FBXW11: variants seen among roughly 807,000 people sequenced by gnomAD.
FBXW11 encodes the protein F-box and WD repeat domain containing 11, also known as F-box/WD repeat-containing protein 11.
Under a neutral mutation model 77.6 loss-of-function variants are expected in FBXW11, and 19 were observed. The ratio of observed to expected loss-of-function variants is 0.24; its 90% CI spans 0.17 to 0.36. The LOEUF is 0.36. Among genes scored for constraint, FBXW11 ranks in the 10% least tolerant of loss-of-function variants. FBXW11 has a pLI of 1.00. For missense variants in FBXW11, 334 were observed against 704.2 expected (o/e 0.47, Z 5.95); for synonymous variants, 235 against 249.4 (o/e 0.94, Z 0.54).
At chr5:171,963,676 G>A (rs542668571) in intron 1 of FBXW11, among the ~76,000 whole-genome samples, 1 of 152,324 alleles carries the variant, frequency 6.6e-6, no homozygotes, top group East Asian at 1.9e-4. Flanking sequence ...CACAGAGATG[G>A]AGGTGGAGGT....
chr5:171,878,592 A>AGAC (rs1561640297), intron 7 of FBXW11, among the ~76,000 whole-genome samples: 49 of 133,032 alleles, frequency 3.7e-4, no homozygotes, highest in East Asian at 6.4e-4. Context: ...GTGTGTGTGT[A>AGAC]AGAGAGAGAG....
At chr5:171,980,945 T>C (rs1281706624) in intron 1 of FBXW11, among the ~76,000 whole-genome samples, 4 of 152,110 alleles carry the variant, frequency 2.6e-5, no homozygotes, top group Non-Finnish European at 5.9e-5. Flanking sequence ...TACTAGAGTT[T>C]ATGCTAATAA....
intron 1 of FBXW11, among the ~76,000 whole-genome samples, chr5:171,977,364 A>C (rs1008015639): frequency 1.1e-4 from 16 of 152,190 alleles, no homozygotes; most frequent in African/African-American, 3.9e-4. Flanking sequence ...AAGAGAAAGA[A>C]ATCTCTGTTC....
At chr5:171,950,738 T>G (rs541147363) in intron 2 of FBXW11, among the ~76,000 whole-genome samples, 1 of 152,088 alleles carries the variant, frequency 6.6e-6, no homozygotes, top group East Asian at 1.9e-4. Flanking sequence ...ATACAAAAAA[T>G]TAGCCAGGCG....
intron 2 of FBXW11, among the ~76,000 whole-genome samples, chr5:171,923,517 T>C (rs953934502): frequency 1.3e-5 from 2 of 152,240 alleles, no homozygotes; most frequent in Non-Finnish European, 2.9e-5. Flanking sequence ...TTTTACCTTG[T>C]ACATTTTCAT....
At chr5:171,945,617 T>G (rs1432510136) in intron 2 of FBXW11, among the ~76,000 whole-genome samples, 2 of 152,210 alleles carry the variant, frequency 1.3e-5, no homozygotes, top group Admixed American at 1.3e-4. Flanking sequence ...TACTTATAGT[T>G]CTTCCACAAA....
intron 7 of FBXW11, among the ~76,000 whole-genome samples, chr5:171,881,059 G>A (rs191148973): frequency 6.6e-6 from 1 of 152,162 alleles, no homozygotes; most frequent in Admixed American, 6.5e-5. Context: ...GTAAGCAACT[G>A]ACTTAAGTAT....
intron 1 of FBXW11, among the ~76,000 whole-genome samples, chr5:171,998,068 T>C (rs1366378982): frequency 6.6e-6 from 1 of 152,132 alleles, no homozygotes; most frequent in African/African-American, 2.4e-5. Flanking sequence ...CATGCCCTTT[T>C]CATGGAGCAC....
chr5:171,949,148 CA>C (rs1438680980), intron 2 of FBXW11, among the ~76,000 whole-genome samples: 1 of 152,102 alleles, frequency 6.6e-6, no homozygotes, highest in East Asian at 1.9e-4. Context: ...ACTAGTACAA[CA>C]TATAAAAGAC....
intron 1 of FBXW11, among the ~76,000 whole-genome samples, chr5:171,963,129 T>A (rs773672989): frequency 1.1e-4 from 16 of 152,082 alleles, no homozygotes; most frequent in Non-Finnish European, 2.2e-4. Flanking sequence ...TAAGACATTC[T>A]CTTTATTCTC....
At chr5:171,957,471 G>C (rs1175239416) in intron 2 of FBXW11, 126 bp downstream of exon 2, 1 of 917,794 alleles carries the variant, frequency 1.1e-6, no homozygotes, top group Non-Finnish European at 1.7e-6. Flanking sequence ...CCAGGCTGGA[G>C]GAAAGCAGAG....
At chr5:171,921,669 G>T (rs1187448723) in intron 2 of FBXW11, among the ~76,000 whole-genome samples, 1 of 152,092 alleles carries the variant, frequency 6.6e-6, no homozygotes, top group Non-Finnish European at 1.5e-5. Flanking sequence ...CAAATTAAAA[G>T]GAAAGCAAGG....
chr5:171,942,550 AAC>A (rs1762804853), intron 2 of FBXW11, among the ~76,000 whole-genome samples: 1 of 152,254 alleles, frequency 6.6e-6, no homozygotes, highest in Non-Finnish European at 1.5e-5. Context: ...CTGTAATCCT[AAC>A]ACTTTGGGAG....
chr5:171,891,549 C>A lies in FBXW11; in HGVS notation c.770G>T (p.Arg257Leu), dbSNP rs1177616249. 7 of 1,610,728 alleles carry A rather than the reference C, an allele frequency of 4.3e-6. No homozygotes were observed. Among genetic ancestry groups the A allele is most frequent in the Non-Finnish European group, 5.9e-6 (7 of 1,178,976 alleles). Residue 257 changes from arginine (R) to leucine (L), a missense_variant, in exon 7 of 14, where the codon CGC becomes CTC. This residue lies in a region of FBXW11 where 70 missense variants were observed against 136.6 expected (regional missense o/e 0.51). Transcript: ENST00000517395. Reference protein sequence around the residue: ...GRHNLQRIQCRSENSKGVYCL... With the variant: ...GRHNLQRIQCLSENSKGVYCL... Reference sequence around the variant, plus strand: ...GTAGACACCTTTACTATTTTCAGAGCGGCACTGAATCCTCTGCAAGTTGTG... The same window carrying A: ...GTAGACACCTTTACTATTTTCAGAGAGGCACTGAATCCTCTGCAAGTTGTG...
intron 1 of FBXW11, among the ~76,000 whole-genome samples, chr5:171,961,978 T>C (rs1405985743): frequency 1.3e-5 from 2 of 152,204 alleles, no homozygotes; most frequent in African/African-American, 4.8e-5. Flanking sequence ...AAATTTTTAA[T>C]TTAGGGACAT....
chr5:171,933,263 T>A (rs554202963), intron 2 of FBXW11, among the ~76,000 whole-genome samples: 27 of 151,740 alleles, frequency 1.8e-4, no homozygotes, highest in African/African-American at 5.1e-4. Context: ...GAAGCCAATA[T>A]GAAAAGGCTA....
intron 2 of FBXW11, among the ~76,000 whole-genome samples, chr5:171,922,197 A>G (rs1220406901): frequency 2.6e-5 from 4 of 152,222 alleles, no homozygotes; most frequent in Non-Finnish European, 5.9e-5. Flanking sequence ...AAACTGATAT[A>G]GGTCACAGAA....
At chr5:171,987,601 A>G (rs1263668209) in intron 1 of FBXW11, among the ~76,000 whole-genome samples, 2 of 151,502 alleles carry the variant, frequency 1.3e-5, no homozygotes, top group Non-Finnish European at 2.9e-5. Flanking sequence ...ACAGGCACCC[A>G]CTACCATGCC....
intron 1 of FBXW11, among the ~76,000 whole-genome samples, chr5:171,958,934 C>T (rs1763756238): frequency 6.6e-6 from 1 of 151,852 alleles, no homozygotes; most frequent in East Asian, 1.9e-4. Flanking sequence ...ACTTATTGTC[C>T]CCTCATAACT....
Sources: gnomAD v4.1 joint callset for allele counts (sites outside exome capture counted in the v4.1 genomes callset) on GRCh38, gnomAD v4.1.1 for gene constraint, gnomAD v4.1.1 regional missense constraint, MANE v1.5 for transcripts, NCBI Gene and HGNC (gene_info 2026-07-23, HGNC 2026-07-21) for gene names.